The following TMEM120B variants were observed in gnomAD, a reference collection of about 807,000 sequenced individuals.
TMEM120B encodes the protein transmembrane protein 120B.
Under a neutral mutation model 55.5 loss-of-function variants are expected in TMEM120B, and 31 were observed. That is an observed-to-expected ratio of 0.56 (90% CI 0.42 to 0.75). The LOEUF (loss-of-function observed/expected upper bound fraction) is 0.75, where lower values mean the gene tolerates loss of function less well. Among genes scored for constraint, TMEM120B ranks in the 30% least tolerant of loss-of-function variants. The pLI is 0.00. For synonymous variants in TMEM120B, 203 were observed against 176.3 expected, an observed-to-expected ratio of 1.15 and a Z score of -1.20; for missense variants, 399 against 425.5, an observed-to-expected ratio of 0.94 and a Z score of 0.55.
rs1874357741 is a variant in TMEM120B, at chr12:121,779,422, G to C, written c.*3700G>C. 1 of 1,521,454 alleles carries C rather than the reference G, an allele frequency of 6.6e-7. No individual in the cohort carries two copies. The highest frequency in any genetic ancestry group is 1.8e-5 in the Admixed American group (1 of 55,764). 94.2% of individuals were successfully genotyped at this position (1,521,454 alleles called of 1,614,324 possible). ...ACCATGAGCTGGAGGGTCGGGATGG[G>C]GCAGCCTCCCTGGTGCAATCGGCAC... On this transcript the variant is annotated 3_prime_UTR_variant, in exon 12 of 12. Transcript: ENST00000449592.
intron 1 of TMEM120B, among the ~76,000 whole-genome samples, chr12:121,714,624 CG>C (rs1023173234): frequency 7.3e-6 from 1 of 137,352 alleles, no homozygotes; most frequent in Non-Finnish European, 1.5e-5. Flanking sequence ...TGCAGTGGCA[CG>C]ATCGTGGCTC....
At position 121,758,189 on chromosome 12, in the gene TMEM120B, C is replaced by T. The variant is rs1873539852; in HGVS notation, c.462-3460C>T. 3 of 985,382 alleles carry T rather than the reference C, an allele frequency of 3.0e-6. No homozygotes were observed. In the African/African-American group the frequency reaches 5.2e-5, roughly 17 times the overall value. 61.0% of individuals were successfully genotyped at this position (985,382 alleles called of 1,614,324 possible). ...GGTGGGGAAGCCCTCAGAGGGGCGT[C>T]TGTCACTGACTCTCTCACAGAGTTC... On this transcript the variant is annotated intron_variant, in intron 5 of 11. Coordinates refer to ENST00000449592, the MANE Select transcript of TMEM120B (RefSeq NM_001080825.2).
At chr12:121,715,298 A>ACTC (rs779401351) in intron 1 of TMEM120B, among the ~76,000 whole-genome samples, 4 of 152,116 alleles carry the variant, frequency 2.6e-5, no homozygotes, top group Non-Finnish European at 5.9e-5. Flanking sequence ...GTGCCATTGC[A>ACTC]CTCCAGCCTG....
At chr12:121,716,934 A>G (rs1894714098) in intron 1 of TMEM120B, among the ~76,000 whole-genome samples, 1 of 152,104 alleles carries the variant, frequency 6.6e-6, no homozygotes. Flanking sequence ...GATCTTTGGA[A>G]TTTCCCTCCT....
chr12:121,747,074 T>C (rs1227710736), intron 2 of TMEM120B, among the ~76,000 whole-genome samples: 1 of 152,248 alleles, frequency 6.6e-6, no homozygotes, highest in Non-Finnish European at 1.5e-5. Context: ...CTTACTCATT[T>C]AATCCTCACC....
chr12:121,715,718 A>C (rs144759393), intron 1 of TMEM120B, among the ~76,000 whole-genome samples: 1 of 152,262 alleles, frequency 6.6e-6, no homozygotes, highest in Admixed American at 6.6e-5. Context: ...TGTCAAGATC[A>C]TAGATCGGAG....
rs1874263154 is a variant in TMEM120B, at chr12:121,776,812, T to C, written c.*1090T>C. ...AAAATTTTTAATTACTTTTTTTTTT[T>C]TTGAGACAGGGTCTGTTGCCTAGGC... On this transcript the variant is annotated 3_prime_UTR_variant, in exon 12 of 12. Transcript: ENST00000449592. 1 of 152,242 alleles carries C rather than the reference T, an allele frequency of 6.6e-6. No homozygotes were observed. The highest frequency in any genetic ancestry group is 1.5e-5 in the Non-Finnish European group (1 of 68,084). The allele number at this position is 152,242 out of a possible 1,614,324, so 9.4% of individuals were successfully genotyped here. A position where few individuals can be genotyped will look rare whatever the true frequency, so the allele number is the denominator to read the frequency against.
intron 6 of TMEM120B, among the ~76,000 whole-genome samples, chr12:121,769,149 A>G (rs1172525891): frequency 1.6e-3 from 212 of 128,564 alleles, no homozygotes; most frequent in Non-Finnish European, 2.6e-3. Context: ...GTCTCAAAAA[A>G]AAAAAAAAAA....
intron 1 of TMEM120B, among the ~76,000 whole-genome samples, chr12:121,742,973 C>T (rs1342038106): frequency 6.6e-6 from 1 of 152,074 alleles, no homozygotes; most frequent in African/African-American, 2.4e-5. Context: ...GGTTGTTTCC[C>T]TGCCTGTGGT....
At chr12:121,726,907 C>CAAA (rs71305665) in intron 1 of TMEM120B, among the ~76,000 whole-genome samples, 29 of 73,712 alleles carry the variant, frequency 3.9e-4, no homozygotes, top group African/African-American at 9.8e-4. Context: ...GACTCTGTCT[C>CAAA]AAAAAAAAAA....
chr12:121,744,781 C>CT (rs572584894), intron 2 of TMEM120B, among the ~76,000 whole-genome samples: 30 of 152,296 alleles, frequency 2.0e-4, no homozygotes, highest in Middle Eastern at 6.8e-3. Context: ...CTGGTCAACT[C>CT]TTTCCTTGTG....
At chr12:121,718,693 G>A (rs1450262922) in intron 1 of TMEM120B, among the ~76,000 whole-genome samples, 1 of 152,130 alleles carries the variant, frequency 6.6e-6, no homozygotes. Flanking sequence ...TAGAAGAAAA[G>A]TTTTGAACTT....
intron 10 of TMEM120B, 105 bp downstream of exon 10, chr12:121,774,827 C>T (rs2137417515): frequency 7.3e-7 from 1 of 1,371,816 alleles, no homozygotes; most frequent in East Asian, 2.5e-5. Context: ...CATGCTGGGG[C>T]CCACAGCATC....
At chr12:121,731,249 A>C (rs2137049329) in intron 1 of TMEM120B, among the ~76,000 whole-genome samples, 1 of 152,060 alleles carries the variant, frequency 6.6e-6, no homozygotes, top group East Asian at 1.9e-4. Context: ...AGATACATTT[A>C]TTTATTTATT....
chr12:121,723,251 T>G (rs1894831259), intron 1 of TMEM120B, among the ~76,000 whole-genome samples: 1 of 152,148 alleles, frequency 6.6e-6, no homozygotes, highest in African/African-American at 2.4e-5. Flanking sequence ...CACTGCAGCC[T>G]TGAACTCCTA....
intron 6 of TMEM120B, among the ~76,000 whole-genome samples, chr12:121,763,194 G>A (rs1292687726): frequency 1.7e-5 from 2 of 115,466 alleles, no homozygotes; most frequent in East Asian, 5.1e-4. Flanking sequence ...ACGAAGTCTT[G>A]CTCTGTCGCC....
chr12:121,728,583 G>A (rs890524535), intron 1 of TMEM120B, among the ~76,000 whole-genome samples: 1 of 151,848 alleles, frequency 6.6e-6, no homozygotes. Context: ...GCCTCCCAAA[G>A]TGCTGGGATT....
chr12:121,750,141 C>T (rs912883135), intron 3 of TMEM120B, among the ~76,000 whole-genome samples: 6 of 151,964 alleles, frequency 3.9e-5, no homozygotes, highest in Non-Finnish European at 1.5e-5. Flanking sequence ...CTTAGAAATA[C>T]GGTCTCTAGG....
At position 121,776,187 on chromosome 12, in the gene TMEM120B, C is replaced by A. The variant is rs983854478; in HGVS notation, c.*465C>A. On this transcript the variant is annotated 3_prime_UTR_variant, in exon 12 of 12. Coordinates refer to ENST00000449592, the MANE Select transcript of TMEM120B (RefSeq NM_001080825.2). The stretch of plus-strand genomic sequence containing the variant: ...CCCCCACCCCGGGGCCACTCTGCTT[C>A]TGCTGTGAGCCCCCTCCTCGCCCAC... 81 of 317,542 alleles carry A rather than the reference C, an allele frequency of 2.6e-4. No individual in the cohort carries two copies. Among genetic ancestry groups the A allele is most frequent in the Non-Finnish European group, 4.5e-4 (78 of 174,212 alleles). The allele number at this position is 317,542 out of a possible 1,614,324, so 19.7% of individuals were successfully genotyped here.
Sources: gnomAD v4.1 joint callset for allele counts (sites outside exome capture counted in the v4.1 genomes callset) on GRCh38, gnomAD v4.1.1 for gene constraint, MANE v1.5 for transcripts, NCBI Gene and HGNC (gene_info 2026-07-23, HGNC 2026-07-21) for gene names.